MGST2: variants seen among roughly 807,000 people sequenced by gnomAD.
MGST2 encodes glutathione peroxidase MGST2.
MGST2 carries 9 observed loss-of-function variants against 16.6 expected under a neutral mutation model. The observed-to-expected ratio is 0.54, with a 90% CI of 0.33 to 0.95. MGST2 has a LOEUF of 0.95. Among genes scored for constraint, MGST2 ranks in the 40% least tolerant of loss-of-function variants. The pLI is 0.03. For missense variants in MGST2, 159 were observed against 175.1 expected, an observed-to-expected ratio of 0.91 and a Z score of 0.52; for synonymous variants, 79 against 68.0, an observed-to-expected ratio of 1.16 and a Z score of -0.79.
At position 139,734,691 on chromosome 4, in the gene MGST2, T is replaced by G. The variant is rs553687922; in HGVS notation, c.*49-5521T>G. ...CTTCAAAAAACAGTTGTGGTAAAAA[T>G]ATCTCCCAAGAACAGCCAGCTGTTT... On this transcript the variant is annotated intron_variant, in intron 5 of 5. Transcript: ENST00000616265. Among the ~76,000 whole-genome samples, 4 of 152,354 alleles carry G rather than the reference T, an allele frequency of 2.6e-5. No individual in the cohort carries two copies. In the East Asian group the frequency reaches 7.7e-4, roughly 29 times the overall value.
rs973005880 is a variant in MGST2, at chr4:139,719,174, C to G, written c.*48+14978C>G. ...GAGGCCTGGTGGGGCTGTGGATTGGCACCTGGATCTTCCATTGTCAGCCAG... is the reference window on the plus strand; with the variant it reads ...GAGGCCTGGTGGGGCTGTGGATTGGGACCTGGATCTTCCATTGTCAGCCAG... On this transcript the variant is annotated intron_variant, in intron 5 of 5. Coordinates refer to the MGST2 transcript ENST00000616265. 7.0e-6 allele frequency: 6 copies of G among 861,768 alleles called. No homozygotes were observed. The African/African-American group carries it at 8.5e-5, about 12-fold the overall frequency. 53.4% of individuals were successfully genotyped at this position (861,768 alleles called of 1,614,324 possible).
At chr4:139,721,481 G>C (rs1728231236) in intron 5 of MGST2, among the ~76,000 whole-genome samples, 1 of 152,280 alleles carries the variant, frequency 6.6e-6, no homozygotes, top group South Asian at 2.1e-4. Context: ...GATCCCACCT[G>C]GAACTGTGAT....
intron 1 of MGST2, among the ~76,000 whole-genome samples, chr4:139,676,021 C>G (rs962351976): frequency 1.3e-5 from 2 of 152,144 alleles, no homozygotes; most frequent in Admixed American, 6.5e-5. Flanking sequence ...TCTGGATGGT[C>G]GGCTTCATGG....
chr4:139,692,631 C>T (rs1041687595), intron 2 of MGST2, among the ~76,000 whole-genome samples: 2 of 152,222 alleles, frequency 1.3e-5, no homozygotes, highest in African/African-American at 2.4e-5. Flanking sequence ...GAGGACGATC[C>T]GTCAGCATCT....
intron 2 of MGST2, among the ~76,000 whole-genome samples, chr4:139,689,954 C>T (rs1356342945): frequency 6.6e-6 from 1 of 152,130 alleles, no homozygotes; most frequent in Non-Finnish European, 1.5e-5. Flanking sequence ...AATATTGGAG[C>T]ATCTGTTTAT....
chr4:139,668,597 G>C (rs111846788), intron 1 of MGST2, among the ~76,000 whole-genome samples: 62 of 63,642 alleles, frequency 9.7e-4, no homozygotes, highest in Middle Eastern at 7.2e-3. Flanking sequence ...GAAAGACACA[G>C]AGAGAGAGAG....
the MGST2 span, among the ~76,000 whole-genome samples, chr4:139,747,348 C>T: frequency 1.3e-5 from 2 of 152,326 alleles, no homozygotes; most frequent in East Asian, 3.9e-4. Flanking sequence ...TTAGCATCTG[C>T]ATGCATCTCT....
intron 2 of MGST2, among the ~76,000 whole-genome samples, chr4:139,681,751 A>G (rs1731251569): frequency 6.6e-6 from 1 of 152,122 alleles, no homozygotes; most frequent in Non-Finnish European, 1.5e-5. Flanking sequence ...TTATTTACCC[A>G]TTAAGTATTT....
intron 2 of MGST2, among the ~76,000 whole-genome samples, chr4:139,684,878 A>C (rs1731474492): frequency 6.6e-6 from 1 of 152,166 alleles, no homozygotes; most frequent in African/African-American, 2.4e-5. Flanking sequence ...TTCTCCAGGC[A>C]ATAAGCCTCC....
downstream of MGST2, among the ~76,000 whole-genome samples, chr4:139,704,404 C>T (rs556836034): frequency 6.6e-6 from 1 of 151,892 alleles, no homozygotes; most frequent in Non-Finnish European, 1.5e-5. Context: ...TGTGTAGGGA[C>T]ACAGCAGCCT....
the MGST2 span, among the ~76,000 whole-genome samples, chr4:139,749,562 G>C: frequency 6.6e-6 from 1 of 152,162 alleles, no homozygotes; most frequent in Admixed American, 6.5e-5. Context: ...GGGGTGGGGG[G>C]CGCCGATCAG....
At chr4:139,699,547 ATT>A (rs1267120439) in intron 3 of MGST2, among the ~76,000 whole-genome samples, 1 of 152,188 alleles carries the variant, frequency 6.6e-6, no homozygotes, top group African/African-American at 2.4e-5. Flanking sequence ...GTTTTGTCAC[ATT>A]GTCACAAATC....
intron 1 of MGST2, among the ~76,000 whole-genome samples, chr4:139,669,443 G>T (rs551505786): frequency 3.6e-4 from 55 of 152,352 alleles, no homozygotes; most frequent in Non-Finnish European, 6.3e-4. Flanking sequence ...CCAGCTGGGT[G>T]TCCCCGTTCA....
chr4:139,719,963 G>C (rs914987203), intron 5 of MGST2: 1 of 1,614,100 alleles, frequency 6.2e-7, no homozygotes, highest in Non-Finnish European at 8.5e-7. Flanking sequence ...ATGTTGCTGG[G>C]TAATGGCTGA....
chr4:139,716,849 TAAAAG>T (rs1727990508), intron 5 of MGST2: 1 of 152,570 alleles, frequency 6.6e-6, no homozygotes, highest in South Asian at 2.1e-4. Flanking sequence ...GTACATTTCT[TAAAAG>T]GAAATAAGCA....
At chr4:139,684,354 G>C (rs975181490) in intron 2 of MGST2, among the ~76,000 whole-genome samples, 2 of 152,192 alleles carry the variant, frequency 1.3e-5, no homozygotes, top group Non-Finnish European at 2.9e-5. Context: ...ATGAGACTGG[G>C]GTGGGGACAC....
At chr4:139,676,048 G>A (rs1302896434) in intron 1 of MGST2, among the ~76,000 whole-genome samples, 3 of 152,150 alleles carry the variant, frequency 2.0e-5, no homozygotes, top group African/African-American at 7.2e-5. Flanking sequence ...GGTGGTCTTT[G>A]CTCTCTTTAG....
intron 2 of MGST2, among the ~76,000 whole-genome samples, chr4:139,692,338 G>C (rs1466960695): frequency 6.6e-6 from 1 of 152,184 alleles, no homozygotes; most frequent in Non-Finnish European, 1.5e-5. Flanking sequence ...CAGCACCCCG[G>C]TTCCCCATCT....
the MGST2 span, among the ~76,000 whole-genome samples, chr4:139,752,842 T>G: frequency 6.6e-6 from 1 of 152,160 alleles, no homozygotes; most frequent in African/African-American, 2.4e-5. Flanking sequence ...ATAACCATAG[T>G]TCTTCAGGCT....
Sources: allele counts gnomAD v4.1 joint callset (sites outside exome capture counted in the v4.1 genomes callset), GRCh38; gene constraint gnomAD v4.1.1; transcripts MANE v1.5; gene names NCBI Gene and HGNC (gene_info 2026-07-23, HGNC 2026-07-21).